The following BACE2 variants were observed in gnomAD, a reference collection of about 807,000 sequenced individuals.
The protein encoded by BACE2 is beta-secretase 2.
In BACE2, 17 loss-of-function variants were observed where a neutral mutation model predicts 46.2. The observed-to-expected ratio is 0.37, with a 90% CI of 0.25 to 0.55. BACE2 has a LOEUF of 0.55. BACE2 is among the 20% of genes least tolerant of loss of function. The pLI, the probability that BACE2 is intolerant of heterozygous loss-of-function variation, is 0.82. For missense variants in BACE2, 595 were observed against 698.1 expected, an observed-to-expected ratio of 0.85 and a Z score of 1.66; for synonymous variants, 277 against 295.9, an observed-to-expected ratio of 0.94 and a Z score of 0.66.
At chr21:41,228,685 G>A (rs1341181643) in intron 2 of BACE2, among the ~76,000 whole-genome samples, 1 of 152,146 alleles carries the variant, frequency 6.6e-6, no homozygotes, top group Admixed American at 6.5e-5. Flanking sequence ...TGAGAGATCC[G>A]ACCTCACTAC....
At chr21:41,243,629 T>G in intron 5 of BACE2, 119 bp downstream of exon 5, 1 of 1,102,100 alleles carries the variant, frequency 9.1e-7, no homozygotes, top group East Asian at 2.7e-5. Context: ...AAAGGCTCAT[T>G]ACATGAAAAG....
At chr21:41,238,444 A>AAGGC (rs1254445844) in intron 3 of BACE2, among the ~76,000 whole-genome samples, 1 of 152,216 alleles carries the variant, frequency 6.6e-6, no homozygotes, top group African/African-American at 2.4e-5. Flanking sequence ...GGCATTGCCA[A>AAGGC]AGGCAGGCGG....
intron 1 of BACE2, among the ~76,000 whole-genome samples, chr21:41,214,789 G>A (rs1367976914): frequency 6.6e-6 from 1 of 152,202 alleles, no homozygotes; most frequent in Non-Finnish European, 1.5e-5. Flanking sequence ...GCCACATGTG[G>A]CCCTACTGTC....
chr21:41,241,973 GC>G, intron 4 of BACE2, 26 bp downstream of exon 4: 2 of 1,609,712 alleles, frequency 1.2e-6, no homozygotes, highest in Non-Finnish European at 1.7e-6. Flanking sequence ...TCTTAAAGGG[GC>G]GAAAAATCAC....
chr21:41,273,034 C>T (rs756933971), intron 8 of BACE2, among the ~76,000 whole-genome samples: 5 of 152,126 alleles, frequency 3.3e-5, no homozygotes, highest in Admixed American at 6.5e-5. Flanking sequence ...CATCACATGT[C>T]GGCAGGTTCG....
chr21:41,178,978 A>G (rs1984965449), intron 1 of BACE2: 1 of 750,558 alleles, frequency 1.3e-6, no homozygotes, highest in South Asian at 2.1e-5. Context: ...AGGAGGTGCA[A>G]TTTGAGATGA....
At chr21:41,232,438 C>T (rs775279768) in intron 2 of BACE2, among the ~76,000 whole-genome samples, 18 of 152,162 alleles carry the variant, frequency 1.2e-4, no homozygotes, top group Non-Finnish European at 1.3e-4. Context: ...AACAAACAAA[C>T]AAAAACATCC....
rs905917241 is a variant in BACE2, at chr21:41,277,366, G to A, written c.*1742G>A. On this transcript the variant is annotated 3_prime_UTR_variant, in exon 9 of 9. Transcript: ENST00000330333. ...GAGAAGATTTGAGTTGCAGCCTCTT[G>A]GAAAGAACATGACGGCACGGAACGG... 1 of 152,200 alleles carries A rather than the reference G, an allele frequency of 6.6e-6. No homozygotes were observed. The highest frequency in any genetic ancestry group is 2.4e-5 in the African/African-American group (1 of 41,444). The allele number at this position is 152,200 out of a possible 1,614,324, so 9.4% of individuals were successfully genotyped here.
chr21:41,211,167 C>G (rs1191104775), intron 1 of BACE2, among the ~76,000 whole-genome samples: 2 of 151,626 alleles, frequency 1.3e-5, no homozygotes, highest in East Asian at 1.9e-4. Context: ...CCCATTCCCC[C>G]CTCCCCATCC....
chr21:41,245,315 T>G (rs1323274984), intron 5 of BACE2, among the ~76,000 whole-genome samples: 1 of 152,246 alleles, frequency 6.6e-6, no homozygotes, highest in Non-Finnish European at 1.5e-5. Context: ...CATCCCTGGG[T>G]AGACTTGCCT....
chr21:41,176,115 A>T (rs570387430), intron 1 of BACE2: 1 of 152,232 alleles, frequency 6.6e-6, no homozygotes, highest in Admixed American at 6.5e-5. Flanking sequence ...GATTCCTTCT[A>T]GAAGCTCTAA....
chr21:41,168,642 G>A, intron 1 of BACE2, 67 bp downstream of exon 1: 3 of 1,189,224 alleles, frequency 2.5e-6, no homozygotes, highest in Non-Finnish European at 3.2e-6. Flanking sequence ...GTCCAGAGAC[G>A]CCTCCACGCG....
chr21:41,191,896 A>G (rs562566552), intron 1 of BACE2, among the ~76,000 whole-genome samples: 3 of 152,270 alleles, frequency 2.0e-5, no homozygotes, highest in South Asian at 2.1e-4. Flanking sequence ...ATTTTTGACC[A>G]CTCAGAGAGG....
rs1406744194 is a variant in BACE2, at chr21:41,280,596, C to G, written c.*4972C>G. The G allele has an allele frequency of 6.6e-6, 1 of 152,348 alleles. No individual in the cohort carries two copies. Among genetic ancestry groups the G allele is most frequent in the Non-Finnish European group, 1.5e-5 (1 of 68,156 alleles). 9.4% of individuals were successfully genotyped at this position (152,348 alleles called of 1,614,324 possible). On this transcript the variant is annotated 3_prime_UTR_variant, in exon 9 of 9. Transcript: ENST00000330333. ...TGAGGCTGCAGAGCAGAAACCACGG[C>G]TTTCAGACGTGAGCAGGCTCCCTGG...
At chr21:41,221,088 T>G (rs1986629986) in intron 1 of BACE2, among the ~76,000 whole-genome samples, 1 of 151,886 alleles carries the variant, frequency 6.6e-6, no homozygotes, top group Non-Finnish European at 1.5e-5. Flanking sequence ...GCCATTGTTT[T>G]AGATTCACTT....
intron 1 of BACE2, among the ~76,000 whole-genome samples, chr21:41,171,848 C>T (rs1188878433): frequency 6.6e-6 from 1 of 152,172 alleles, no homozygotes; most frequent in Non-Finnish European, 1.5e-5. Flanking sequence ...TATTCTCATA[C>T]CTGAACACTT....
At chr21:41,237,478 A>T (rs1465897252) in intron 2 of BACE2, 35 bp from the exon 3 acceptor site, 3 of 1,370,142 alleles carry the variant, frequency 2.2e-6, no homozygotes, top group South Asian at 3.0e-5. Flanking sequence ...AATAAAATAA[A>T]ATGAATACAA....
chr21:41,200,853 C>T (rs187109566), intron 1 of BACE2, among the ~76,000 whole-genome samples: 22 of 152,318 alleles, frequency 1.4e-4, no homozygotes, highest in Admixed American at 5.2e-4. Flanking sequence ...CTTCCGGCCT[C>T]CACAACCGTG....
chr21:41,255,734 G>A (rs1245568124), intron 7 of BACE2, among the ~76,000 whole-genome samples: 1 of 151,816 alleles, frequency 6.6e-6, no homozygotes, highest in Non-Finnish European at 1.5e-5. Flanking sequence ...ACTAAACTCT[G>A]ACTTTTTTTT....
Sources: gnomAD v4.1 joint callset for allele counts (sites outside exome capture counted in the v4.1 genomes callset) on GRCh38, gnomAD v4.1.1 for gene constraint, MANE v1.5 for transcripts, NCBI Gene and HGNC (gene_info 2026-07-23, HGNC 2026-07-21) for gene names.